Variants in PCSK2 observed in about 807,000 individuals in gnomAD.
The protein encoded by PCSK2 is proprotein convertase subtilisin/kexin type 2, also known as neuroendocrine convertase 2.
A neutral mutation model predicts 69.7 loss-of-function variants in PCSK2; 14 were observed. That is an observed-to-expected ratio of 0.20 (90% CI 0.13 to 0.31). PCSK2 has a LOEUF of 0.31. Ranked by LOEUF, PCSK2 falls within the 10% of genes least tolerant of loss-of-function variation. The probability of loss-of-function intolerance (pLI) is 1.00; values close to 1 mark genes in which losing one functional copy is unlikely to be tolerated. For missense variants in PCSK2, 544 were observed against 842.5 expected (o/e 0.65, Z 4.39); for synonymous variants, 307 against 320.7 (o/e 0.96, Z 0.46).
At chr20:17,305,118 A>G (rs994527874) in intron 2 of PCSK2, among the ~76,000 whole-genome samples, 2 of 152,202 alleles carry the variant, frequency 1.3e-5, no homozygotes, top group Non-Finnish European at 2.9e-5. Context: ...TTGAAAAATA[A>G]TTATGACAAA....
intron 11 of PCSK2, among the ~76,000 whole-genome samples, chr20:17,476,868 G>T (rs2033300070): frequency 6.6e-6 from 1 of 152,204 alleles, no homozygotes; most frequent in South Asian, 2.1e-4. Flanking sequence ...GACCCGCAAA[G>T]TTGGCTTAAT....
rs1229352705 is a variant in PCSK2, at chr20:17,484,334, TG to T, written c.*2266del. Reference sequence around the variant, plus strand: ...ATATAGTGCTATATATATAAATATTTGGTCTCTATTTCATTTTTTGCATCAG... The same window carrying T: ...ATATAGTGCTATATATATAAATATTTGTCTCTATTTCATTTTTTGCATCAG... On this transcript the variant is annotated 3_prime_UTR_variant, in exon 12 of 12. Transcript: ENST00000262545. 7 of 152,514 alleles carry T rather than the reference TG, an allele frequency of 4.6e-5. No homozygotes were observed. Among genetic ancestry groups the T allele is most frequent in the Non-Finnish European group, 1.5e-5 (1 of 67,974 alleles). The allele number at this position is 152,514 out of a possible 1,614,324, so 9.4% of individuals were successfully genotyped here. A position where few individuals can be genotyped will look rare whatever the true frequency, so the allele number is the denominator to read the frequency against.
At chr20:17,332,824 A>G (rs988392385) in intron 2 of PCSK2, among the ~76,000 whole-genome samples, 2 of 152,128 alleles carry the variant, frequency 1.3e-5, no homozygotes, top group African/African-American at 4.8e-5. Flanking sequence ...TCTTGGTTGT[A>G]TGCACCCTGC....
intron 2 of PCSK2, among the ~76,000 whole-genome samples, chr20:17,276,445 AACACACACAC>A (rs58766799): frequency 3.9e-4 from 58 of 146,974 alleles, no homozygotes; most frequent in Non-Finnish European, 5.4e-4. Context: ...TTTTAAATTC[AACACACACAC>A]ACACACACAC....
intron 1 of PCSK2, among the ~76,000 whole-genome samples, chr20:17,253,719 A>G (rs748797764): frequency 6.6e-6 from 1 of 152,156 alleles, no homozygotes; most frequent in Non-Finnish European, 1.5e-5. Flanking sequence ...TCTTATATGC[A>G]CCCGTACATG....
chr20:17,433,018 A>G (rs2032400910), intron 7 of PCSK2, among the ~76,000 whole-genome samples: 1 of 152,178 alleles, frequency 6.6e-6, no homozygotes, highest in Non-Finnish European at 1.5e-5. Context: ...ACTGTTCTGG[A>G]TTTCTGCAGA....
rs188280706 is a variant in PCSK2, at chr20:17,483,230, A to G, written c.*1160A>G. 1 of 152,268 alleles carries G rather than the reference A, an allele frequency of 6.6e-6. No homozygotes were observed. The highest frequency in any genetic ancestry group is 1.5e-5 in the Non-Finnish European group (1 of 68,014). 9.4% of individuals were successfully genotyped at this position (152,268 alleles called of 1,614,324 possible). ...TATCTTCACATAGTTCTCCAGTTGT[A>G]TGGAGCCTCTTCTGCCAAGAGAGGG... On this transcript the variant is annotated 3_prime_UTR_variant, in exon 12 of 12. Coordinates refer to ENST00000262545, the MANE Select transcript of PCSK2 (RefSeq NM_002594.5).
intron 2 of PCSK2, among the ~76,000 whole-genome samples, chr20:17,297,929 C>T (rs1392608120): frequency 1.3e-5 from 2 of 152,132 alleles, no homozygotes; most frequent in Non-Finnish European, 2.9e-5. Flanking sequence ...TTTAGTAAAG[C>T]ACTTTAAGAT....
intron 5 of PCSK2, among the ~76,000 whole-genome samples, chr20:17,406,322 C>G (rs2031749388): frequency 6.6e-6 from 1 of 152,164 alleles, no homozygotes; most frequent in African/African-American, 2.4e-5. Context: ...TGATTTTTAG[C>G]CAGAAAACAT....
intron 1 of PCSK2, among the ~76,000 whole-genome samples, chr20:17,248,793 G>A (rs949787841): frequency 2.0e-5 from 3 of 152,152 alleles, no homozygotes; most frequent in Non-Finnish European, 4.4e-5. Flanking sequence ...GGCTGTCCTT[G>A]AGTCCCACTC....
chr20:17,277,498 G>A (rs994693714), intron 2 of PCSK2, among the ~76,000 whole-genome samples: 2 of 152,128 alleles, frequency 1.3e-5, no homozygotes, highest in African/African-American at 4.8e-5. Context: ...AATGGTGCTG[G>A]GAAAACTGGC....
chr20:17,233,130 A>T (rs1986205874), intron 1 of PCSK2, among the ~76,000 whole-genome samples: 1 of 152,186 alleles, frequency 6.6e-6, no homozygotes, highest in South Asian at 2.1e-4. Context: ...GTGGCTGAAG[A>T]AAATGAGGAA....
chr20:17,360,749 A>G, intron 4 of PCSK2, 109 bp downstream of exon 4: 1 of 681,688 alleles, frequency 1.5e-6, no homozygotes, highest in Non-Finnish European at 2.7e-6. Flanking sequence ...GAACAGCAAG[A>G]TACTGGGCAT....
At chr20:17,374,734 C>T (rs755545395) in intron 5 of PCSK2, among the ~76,000 whole-genome samples, 2 of 152,102 alleles carry the variant, frequency 1.3e-5, no homozygotes, top group Admixed American at 6.6e-5. Flanking sequence ...CAGTGTGGAC[C>T]GAGTGGGCCT....
intron 10 of PCSK2, among the ~76,000 whole-genome samples, chr20:17,460,226 TAAA>T: frequency 7.7e-6 from 1 of 129,496 alleles, no homozygotes; most frequent in East Asian, 2.1e-4. Context: ...AATAAACAAA[TAAA>T]AGAGAGAGAG....
At chr20:17,321,115 T>C (rs570762981) in intron 2 of PCSK2, among the ~76,000 whole-genome samples, 10 of 152,356 alleles carry the variant, frequency 6.6e-5, no homozygotes, top group Non-Finnish European at 1.2e-4. Context: ...TTTTCAACAT[T>C]ATTCACCCAA....
chr20:17,386,629 C>G (rs1417422676), intron 5 of PCSK2, among the ~76,000 whole-genome samples: 2 of 152,014 alleles, frequency 1.3e-5, no homozygotes, highest in Non-Finnish European at 2.9e-5. Flanking sequence ...TTGCCAGGGT[C>G]TGGGTTGAGG....
chr20:17,400,688 C>A (rs753562336), intron 5 of PCSK2, among the ~76,000 whole-genome samples: 1 of 152,166 alleles, frequency 6.6e-6, no homozygotes, highest in Non-Finnish European at 1.5e-5. Context: ...TGTAAAAAGA[C>A]CCTTGTGCTT....
chr20:17,469,359 G>A (rs2033162403), intron 11 of PCSK2, among the ~76,000 whole-genome samples: 2 of 152,188 alleles, frequency 1.3e-5, no homozygotes, highest in South Asian at 4.1e-4. Context: ...GTCGAGGTGG[G>A]AGCAGGGGTG....
Sources: allele counts gnomAD v4.1 joint callset (sites outside exome capture counted in the v4.1 genomes callset), GRCh38; gene constraint gnomAD v4.1.1; transcripts MANE v1.5; gene names NCBI Gene and HGNC (gene_info 2026-07-23, HGNC 2026-07-21).